The following SMG6 variants were observed in gnomAD, a reference collection of about 807,000 sequenced individuals.
SMG6 encodes SMG6 nonsense mediated mRNA decay factor.
Under a neutral mutation model 142.2 loss-of-function variants are expected in SMG6, and 66 were observed. The ratio of observed to expected loss-of-function variants is 0.46; its 90% CI spans 0.38 to 0.57. The LOEUF is 0.57. Ranked by LOEUF, SMG6 falls within the 20% of genes least tolerant of loss-of-function variation. SMG6 has a pLI of 0.00. For synonymous variants in SMG6, 779 were observed against 702.4 expected, an observed-to-expected ratio of 1.11 and a Z score of -1.72; for missense variants, 1,793 against 1,832.0, an observed-to-expected ratio of 0.98 and a Z score of 0.39.
intron 8 of SMG6, among the ~76,000 whole-genome samples, chr17:2,254,785 GC>G (rs1418722978): frequency 6.6e-6 from 1 of 152,138 alleles, no homozygotes; most frequent in Non-Finnish European, 1.5e-5. Flanking sequence ...TGTGAACAAG[GC>G]AGAGATAATC....
chr17:2,204,946 G>A (rs1030611484), intron 10 of SMG6, among the ~76,000 whole-genome samples: 2 of 152,078 alleles, frequency 1.3e-5, no homozygotes, highest in Non-Finnish European at 2.9e-5. Flanking sequence ...CTGGGCAACA[G>A]AGTAAAACTC....
At chr17:2,169,942 G>GT (rs2151645370) in intron 13 of SMG6, among the ~76,000 whole-genome samples, 1 of 152,296 alleles carries the variant, frequency 6.6e-6, no homozygotes, top group African/African-American at 2.4e-5. Context: ...GTATCTGTGT[G>GT]TGTTTTGAAG....
chr17:2,182,160 G>A (rs1175243883), intron 12 of SMG6, among the ~76,000 whole-genome samples: 2 of 152,344 alleles, frequency 1.3e-5, no homozygotes, highest in African/African-American at 2.4e-5. Flanking sequence ...TTGGAGAACT[G>A]AGTCCTTTCT....
In SMG6 at chr17:2,299,192, G is replaced by C. The variant is rs1219158532; in HGVS notation, c.1561C>G (p.Pro521Ala). The change falls in exon 2 of 19, where the codon CCC becomes GCC. Residue 521 changes from proline to alanine, a missense_variant. Pro to Ala is a conservative substitution (Grantham distance 27). Around this residue, in one of 3 missense-constraint regions of SMG6, gnomAD observed 1,597 missense variants for 1,584.6 expected, o/e 1.01. Transcript: ENST00000263073. The surrounding 1 kb of genome is among the most constrained non-coding windows in gnomAD (Gnocchi z 4.3). ...TGTAGAGGGTTATAGCCCGTATAGG[G>C]ATACTGGGAGGCAGGGCCTGGTGTC... The part of the protein sequence containing the change: ...PRTPGPASQY[P>A]YTGYNPLQYP... The C allele has an allele frequency of 1.2e-6, 2 of 1,613,458 alleles. No homozygotes were observed. Among genetic ancestry groups the C allele is most frequent in the Non-Finnish European group, 1.7e-6 (2 of 1,179,752 alleles).
intron 13 of SMG6, among the ~76,000 whole-genome samples, chr17:2,122,167 G>A (rs971825807): frequency 5.9e-5 from 9 of 152,086 alleles, no homozygotes; most frequent in Non-Finnish European, 1.3e-4. Flanking sequence ...GGATAGATGG[G>A]GGAAGAGAGG....
chr17:2,157,918 C>T (rs1435657725), intron 13 of SMG6, among the ~76,000 whole-genome samples: 4 of 152,294 alleles, frequency 2.6e-5, no homozygotes, highest in Middle Eastern at 3.4e-3. Context: ...CATCAGCAAG[C>T]TCTCCTCCCA....
chr17:2,108,512 T>TGCACA, intron 13 of SMG6, among the ~76,000 whole-genome samples: 1 of 152,044 alleles, frequency 6.6e-6, no homozygotes, highest in Admixed American at 6.6e-5. Context: ...ACACCTGCAG[T>TGCACA]CCCAGCTACC....
At chr17:2,131,531 CT>C (rs2070121217) in intron 13 of SMG6, among the ~76,000 whole-genome samples, 1 of 152,142 alleles carries the variant, frequency 6.6e-6, no homozygotes. Flanking sequence ...AACTCCTAAC[CT>C]TGTGATCTGC....
At position 2,303,779 on chromosome 17, in the gene SMG6, C is replaced by CG. The variant is rs919759862; in HGVS notation, c.-60_-59insC. ...GCCACCGCCGCGCGCAGCCAGGAAA[C>CG]CACCACAGACGGGCGGCGCGCGCGC... On this transcript the variant is annotated 5_prime_UTR_variant, in exon 1 of 19. Transcript: ENST00000263073. 1.4e-6 allele frequency: 2 copies of CG among 1,399,964 alleles called. No individual in the cohort carries two copies. Among genetic ancestry groups the CG allele is most frequent in the Admixed American group, 5.0e-5 (2 of 40,240 alleles). The allele number at this position is 1,399,964 out of a possible 1,614,324, so 86.7% of individuals were successfully genotyped here.
chr17:2,280,811 T>C (rs1349390826), intron 8 of SMG6, among the ~76,000 whole-genome samples: 1 of 152,168 alleles, frequency 6.6e-6, no homozygotes, highest in Non-Finnish European at 1.5e-5. Flanking sequence ...ACAGACATGA[T>C]ACACCTCATG....
intron 13 of SMG6, among the ~76,000 whole-genome samples, chr17:2,116,523 G>A (rs1282720756): frequency 1.3e-5 from 2 of 152,116 alleles, no homozygotes; most frequent in African/African-American, 4.8e-5. Context: ...GAGGTCAGGA[G>A]TTCCTTGAGG....
intron 10 of SMG6, among the ~76,000 whole-genome samples, chr17:2,205,884 C>T (rs2072663490): frequency 6.6e-6 from 1 of 152,202 alleles, no homozygotes; most frequent in African/African-American, 2.4e-5. Context: ...TCTCAGCTCA[C>T]TGCAACCTCT....
At chr17:2,081,782 G>C (rs1315283565) in intron 15 of SMG6, 28 bp downstream of exon 15, 26 of 1,610,426 alleles carry the variant, frequency 1.6e-5, no homozygotes, top group Non-Finnish European at 2.1e-5. Flanking sequence ...CCCCATAGTG[G>C]GAACCACGCT....
chr17:2,157,979 G>A (rs117829066), intron 13 of SMG6, among the ~76,000 whole-genome samples: 17 of 152,242 alleles, frequency 1.1e-4, no homozygotes, highest in Non-Finnish European at 2.1e-4. Flanking sequence ...TCACAGGAGT[G>A]GGACACATAA....
Position 2,068,976 on chromosome 17 carries a change from G to A in SMG6, c.3682-45C>T. ...AATGAGCCAGACAGCGAGCAGGCAA[G>A]CAGGTGGGTGAGCCAGGGCCCTGAC... On this transcript the variant is annotated intron_variant, in intron 15 of 18. Transcript: ENST00000263073. The surrounding 1 kb of genome is among the most constrained non-coding windows in gnomAD (Gnocchi z 6.7). The A allele has an allele frequency of 1.2e-6, 2 of 1,601,908 alleles. No homozygotes were observed. Among genetic ancestry groups the A allele is most frequent in the Non-Finnish European group, 1.7e-6 (2 of 1,171,792 alleles).
chr17:2,249,486 G>GGGGTTCTCACTTTGTTGCCCA (rs1410551243), intron 8 of SMG6, among the ~76,000 whole-genome samples: 1 of 152,012 alleles, frequency 6.6e-6, no homozygotes, highest in Non-Finnish European at 1.5e-5. Context: ...TTGTAGAGAT[G>GGGGTTCTCACTTTGTTGCCCA]GGGTTCTCAC....
chr17:2,095,060 G>C (rs184967378), intron 13 of SMG6: 9 of 152,334 alleles, frequency 5.9e-5, no homozygotes, highest in African/African-American at 2.2e-4. Flanking sequence ...AGGGGTTAAG[G>C]ACGGATATTG....
At chr17:2,204,102 C>G (rs756114720) in intron 10 of SMG6, among the ~76,000 whole-genome samples, 12 of 152,098 alleles carry the variant, frequency 7.9e-5, no homozygotes, top group Non-Finnish European at 1.0e-4. Context: ...TAACTGGGAC[C>G]ACAGGCATGT....
In SMG6 at chr17:2,134,654, T is replaced by C. The variant is rs148570221; in HGVS notation, c.3357+38004A>G. On this transcript the variant is annotated intron_variant, in intron 13 of 18. Transcript: ENST00000263073. ...TTTATAAGAGTAGACAAATTCCTTA[T>C]AGAAGGTCATGAAAATTGATCATGT... 7.8e-4 allele frequency among the ~76,000 whole-genome samples: 119 copies of C among 152,180 alleles called. No individual in the cohort carries two copies. The Middle Eastern group carries it at 0.01, about 13-fold the overall frequency.
Sources: allele counts gnomAD v4.1 joint callset (sites outside exome capture counted in the v4.1 genomes callset), GRCh38; gene constraint gnomAD v4.1.1; regional missense constraint gnomAD v4.1.1; non-coding constraint Gnocchi (gnomAD v3.1); transcripts MANE v1.5; gene names NCBI Gene and HGNC (gene_info 2026-07-23, HGNC 2026-07-21).